The following CEP162 variants were observed in gnomAD, a reference collection of about 807,000 sequenced individuals.
The protein encoded by CEP162 is centrosomal protein of 162 kDa.
In CEP162, 141 loss-of-function variants were observed where a neutral mutation model predicts 169.2. The observed-to-expected ratio is 0.83, with a 90% CI of 0.73 to 0.96. The LOEUF (loss-of-function observed/expected upper bound fraction) is 0.96, where lower values mean the gene tolerates loss of function less well. Ranked by LOEUF, CEP162 falls within the 40% of genes least tolerant of loss-of-function variation. The pLI is 0.00. For missense variants in CEP162, 1,600 were observed against 1,587.2 expected, an observed-to-expected ratio of 1.01 and a Z score of -0.14; for synonymous variants, 540 against 526.4, an observed-to-expected ratio of 1.03 and a Z score of -0.35.
intron 23 of CEP162, 148 bp downstream of exon 23, chr6:84,152,397 A>G: frequency 2.2e-6 from 1 of 461,428 alleles, no homozygotes; most frequent in Non-Finnish European, 3.6e-6. Flanking sequence ...AAACAGACAC[A>G]TGCTCAGCAA....
intron 7 of CEP162, among the ~76,000 whole-genome samples, chr6:84,203,036 A>G (rs2099545275): frequency 6.6e-6 from 1 of 152,172 alleles, no homozygotes. Context: ...CTGTGCCCAG[A>G]TAGAGACCAA....
At chr6:84,201,685 C>T in intron 8 of CEP162, 52 bp downstream of exon 8, 1 of 917,454 alleles carries the variant, frequency 1.1e-6, no homozygotes, top group South Asian at 1.6e-5. Context: ...AGATGAAATT[C>T]TGAACAGACT....
At chr6:84,148,083 C>T (rs1171885093) in intron 24 of CEP162, among the ~76,000 whole-genome samples, 1 of 152,100 alleles carries the variant, frequency 6.6e-6, no homozygotes, top group Admixed American at 6.6e-5. Context: ...TGATAGAATG[C>T]TTATAGTTGC....
intron 18 of CEP162, among the ~76,000 whole-genome samples, chr6:84,168,529 T>C (rs1250743028): frequency 6.6e-6 from 1 of 152,126 alleles, no homozygotes; most frequent in African/African-American, 2.4e-5. Context: ...TTTAGTACTA[T>C]CATTCTCAAA....
Position 84,155,246 on chromosome 6 carries a change from T to C in CEP162, c.2994+52A>G, listed in dbSNP as rs906948791. The C allele has an allele frequency of 1.1e-5, 15 of 1,358,640 alleles. No individual in the cohort carries two copies. In the African/African-American group the frequency reaches 1.6e-4, roughly 14 times the overall value. The allele number at this position is 1,358,640 out of a possible 1,614,324, so 84.2% of individuals were successfully genotyped here. On this transcript the variant is annotated intron_variant, in intron 22 of 26. Coordinates refer to ENST00000403245, the MANE Select transcript of CEP162 (RefSeq NM_014895.4). ...TTAAAGTGAGATCCTAAGAAGTGCC[T>C]GCCCCCATTGTTCATCTCTGACCTT...
Position 84,201,739 on chromosome 6 carries a change from T to A in CEP162, c.716A>T (p.Asn239Ile). ...ACATGAATATAAATAATATTTACCA[T>A]TAGCAAGCATGCCAGTTTTTTCTTC... ...QEEEKTGMLA[N>I]VVLLDSLDSV... The change falls in exon 8 of 27, where the codon AAT (asparagine) becomes ATT (isoleucine). Residue 239 changes from asparagine (N) to isoleucine (I), a missense_variant and splice_region_variant. Physicochemically the swap from Asn to Ile is moderately radical, Grantham distance 149 (BLOSUM62 -3). Coordinates refer to ENST00000403245, the MANE Select transcript of CEP162 (RefSeq NM_014895.4). 1 of 1,333,060 alleles carries A rather than the reference T, an allele frequency of 7.5e-7. No homozygotes were observed. The highest frequency in any genetic ancestry group is 1.0e-6 in the Non-Finnish European group (1 of 962,804). 82.6% of individuals were successfully genotyped at this position (1,333,060 alleles called of 1,614,324 possible).
intron 25 of CEP162, among the ~76,000 whole-genome samples, chr6:84,134,116 C>A (rs1311190372): frequency 6.6e-6 from 1 of 152,202 alleles, no homozygotes; most frequent in African/African-American, 2.4e-5. Context: ...CTGCAGTGGG[C>A]TCTGCCCAGT....
intron 21 of CEP162, among the ~76,000 whole-genome samples, chr6:84,159,549 T>TATATATATA (rs2099524807): frequency 4.0e-4 from 4 of 9,962 alleles, no homozygotes; most frequent in African/African-American, 1.4e-3. Flanking sequence ...ATATATATAT[T>TATATATATA]TTTTTTTTTT....
At chr6:84,145,804 A>G (rs748589061) in intron 25 of CEP162, among the ~76,000 whole-genome samples, 11 of 152,164 alleles carry the variant, frequency 7.2e-5, no homozygotes, top group Non-Finnish European at 1.5e-4. Flanking sequence ...TGCGTGTCTT[A>G]TAACTAGACA....
intron 9 of CEP162, among the ~76,000 whole-genome samples, chr6:84,197,995 T>C (rs1222236173): frequency 6.6e-6 from 1 of 152,160 alleles, no homozygotes; most frequent in Non-Finnish European, 1.5e-5. Flanking sequence ...AGTGAAAGGT[T>C]AGATTTAGCT....
intron 11 of CEP162, among the ~76,000 whole-genome samples, chr6:84,188,099 G>A (rs1423595489): frequency 1.6e-5 from 2 of 128,414 alleles, no homozygotes; most frequent in Admixed American, 8.3e-5. Context: ...GTGAGACTCC[G>A]TCTCAAAAAA....
chr6:84,217,884 T>C (rs550157505), intron 3 of CEP162: 1 of 152,228 alleles, frequency 6.6e-6, no homozygotes, highest in East Asian at 1.9e-4. Flanking sequence ...ACACAGTAGA[T>C]AGGTGGTCTG....
chr6:84,161,944 G>T, intron 19 of CEP162, 35 bp from the exon 20 acceptor site: 1 of 1,288,326 alleles, frequency 7.8e-7, no homozygotes, highest in Non-Finnish European at 1.1e-6. Flanking sequence ...CCTGCTTGTT[G>T]TTCTCCAAAA....
At chr6:84,226,257 G>C (rs976866473) in intron 2 of CEP162, 80 bp downstream of exon 2, 1 of 941,230 alleles carries the variant, frequency 1.1e-6, no homozygotes, top group South Asian at 1.4e-5. Context: ...TGGACTAACT[G>C]TATCTTCGAG....
At chr6:84,168,347 G>A (rs1162035916) in intron 18 of CEP162, among the ~76,000 whole-genome samples, 1 of 151,990 alleles carries the variant, frequency 6.6e-6, no homozygotes, top group Non-Finnish European at 1.5e-5. Flanking sequence ...TCCTATAATG[G>A]ATTCATATGT....
intron 6 of CEP162, among the ~76,000 whole-genome samples, chr6:84,211,482 G>T (rs1278138696): frequency 1.5e-5 from 2 of 135,422 alleles, no homozygotes; most frequent in Admixed American, 8.0e-5. Context: ...AGCCGAGATG[G>T]TATCACTGCA....
At chr6:84,225,970 G>A (rs1016979077) in intron 2 of CEP162, among the ~76,000 whole-genome samples, 1 of 152,042 alleles carries the variant, frequency 6.6e-6, no homozygotes, top group African/African-American at 2.4e-5. Flanking sequence ...GGGTGAAAGA[G>A]GGATATGAAG....
chr6:84,186,815 T>C (rs1388345340), intron 11 of CEP162, among the ~76,000 whole-genome samples, 192 bp from the exon 12 acceptor site: 2 of 152,176 alleles, frequency 1.3e-5, no homozygotes, highest in African/African-American at 4.8e-5. Context: ...TTGCTTTTAA[T>C]TTCGGATAAT....
At position 84,161,629 on chromosome 6, in the gene CEP162, AATT is replaced by A. The variant is rs1360118151; in HGVS notation, c.2676+114_2676+116del. 7 of 767,778 alleles carry A rather than the reference AATT, an allele frequency of 9.1e-6. No homozygotes were observed. The African/African-American group carries it at 1.2e-4, about 14-fold the overall frequency. The allele number at this position is 767,778 out of a possible 1,614,324, so 47.6% of individuals were successfully genotyped here. On this transcript the variant is annotated intron_variant, in intron 20 of 26. Transcript: ENST00000403245. ...TATCTAAAAGCAAACCACCGATCTT[AATT>A]AATAGTTCAGATCTTAATTAATTAA...
Sources: allele counts gnomAD v4.1 joint callset (sites outside exome capture counted in the v4.1 genomes callset), GRCh38; gene constraint gnomAD v4.1.1; transcripts MANE v1.5; gene names NCBI Gene and HGNC (gene_info 2026-07-23, HGNC 2026-07-21).